ARL15: variants seen among roughly 807,000 people sequenced by gnomAD.
ARL15 encodes the protein ADP-ribosylation factor-like protein 15.
In ARL15, 19 loss-of-function variants were observed where a neutral mutation model predicts 25.2. The observed-to-expected ratio is 0.75, with a 90% confidence interval of 0.53 to 1.10. The LOEUF (loss-of-function observed/expected upper bound fraction) is 1.10, where lower values mean the gene tolerates loss of function less well. ARL15 is among the 50% of genes least tolerant of loss of function. The pLI, the probability that ARL15 is intolerant of heterozygous loss-of-function variation, is 0.00. For missense variants in ARL15, 220 were observed against 246.0 expected, an observed-to-expected ratio of 0.89 and a Z score of 0.71; for synonymous variants, 94 against 86.8, an observed-to-expected ratio of 1.08 and a Z score of -0.46.
chr5:54,162,004 C>T (rs1294319276), intron 2 of ARL15, among the ~76,000 whole-genome samples: 2 of 72,928 alleles, frequency 2.7e-5, no homozygotes, highest in Non-Finnish European at 5.4e-5. Context: ...CACATACACA[C>T]ACACACACAC....
chr5:53,896,657 C>T (rs1234152572), intron 4 of ARL15, among the ~76,000 whole-genome samples: 1 of 152,066 alleles, frequency 6.6e-6, no homozygotes, highest in South Asian at 2.1e-4. Flanking sequence ...CCACCACGCC[C>T]GGCTAATTTT....
At chr5:54,248,038 A>G (rs1757135256) in intron 1 of ARL15, among the ~76,000 whole-genome samples, 2 of 152,248 alleles carry the variant, frequency 1.3e-5, no homozygotes, top group South Asian at 4.1e-4. Flanking sequence ...AAAAAAATTA[A>G]GAACAATAAA....
At chr5:54,120,739 C>T (rs1279908632) in intron 3 of ARL15, among the ~76,000 whole-genome samples, 2 of 152,092 alleles carry the variant, frequency 1.3e-5, no homozygotes, top group Non-Finnish European at 2.9e-5. Flanking sequence ...AATCTGGTGG[C>T]AAGACTAGAA....
At chr5:54,310,331 T>C in intron 1 of ARL15, 101 bp downstream of exon 1, 1 of 1,351,240 alleles carries the variant, frequency 7.4e-7, no homozygotes, top group South Asian at 1.3e-5. Flanking sequence ...AGAGGCATCC[T>C]ATCCCAAAGA....
chr5:53,936,995 A>G (rs1338244779), intron 4 of ARL15, among the ~76,000 whole-genome samples: 1 of 152,246 alleles, frequency 6.6e-6, no homozygotes, highest in Non-Finnish European at 1.5e-5. Flanking sequence ...AGGAATGCAG[A>G]AAACACATGC....
At chr5:54,289,432 G>T (rs250388) in intron 1 of ARL15, among the ~76,000 whole-genome samples, 40,714 of 151,748 alleles carry the variant, frequency 0.27, 6,716 homozygotes, top group African/African-American at 0.47. Flanking sequence ...AAGAGCAGAC[G>T]TGGTCATTCT....
chr5:53,926,315 C>T (rs1207724330), intron 4 of ARL15, among the ~76,000 whole-genome samples: 2 of 151,904 alleles, frequency 1.3e-5, no homozygotes, highest in Non-Finnish European at 2.9e-5. Context: ...AGAACTGGGA[C>T]CATGGCAGGG....
In ARL15 at chr5:54,118,377, A is replaced by G. The variant is rs567122545; in HGVS notation, c.254-4967T>C. Among the ~76,000 whole-genome samples the G allele has an allele frequency of 3.2e-4, 48 of 152,320 alleles. 1 individual carries two copies. Among genetic ancestry groups the G allele is most frequent in the Admixed American group, 2.9e-3 (44 of 15,294 alleles). On this transcript the variant is annotated intron_variant, in intron 3 of 4. Transcript: ENST00000504924. ...CCTCTTCTATTAAACCAGATTAAAA[A>G]GATTTGCCAATTTTCTCACTATTTT... is the stretch of plus-strand genomic sequence containing the variant.
At chr5:54,038,674 C>T (rs894349811) in intron 4 of ARL15, among the ~76,000 whole-genome samples, 1 of 151,842 alleles carries the variant, frequency 6.6e-6, no homozygotes, top group Non-Finnish European at 1.5e-5. Flanking sequence ...TAAACTAACA[C>T]TTATAAATAT....
chr5:54,187,977 C>T (rs1041464881), intron 1 of ARL15, among the ~76,000 whole-genome samples: 1 of 152,076 alleles, frequency 6.6e-6, no homozygotes, highest in African/African-American at 2.4e-5. Context: ...TGTGACTAGC[C>T]ATTCTTTTCT....
At chr5:53,943,133 G>A (rs1214912358) in intron 4 of ARL15, among the ~76,000 whole-genome samples, 1 of 152,068 alleles carries the variant, frequency 6.6e-6, no homozygotes, top group Non-Finnish European at 1.5e-5. Flanking sequence ...GGGTGTTGGG[G>A]AAGATAAGAA....
At chr5:53,967,033 AAAG>A (rs1477565026) in intron 4 of ARL15, among the ~76,000 whole-genome samples, 17 of 152,244 alleles carry the variant, frequency 1.1e-4, no homozygotes, top group African/African-American at 1.9e-4. Flanking sequence ...AATTACCAAC[AAAG>A]AAGTAGGTAC....
At chr5:54,207,272 A>T (rs551580197) in intron 1 of ARL15, among the ~76,000 whole-genome samples, 8 of 152,356 alleles carry the variant, frequency 5.3e-5, no homozygotes, top group Non-Finnish European at 1.0e-4. Context: ...AGAGAATTTT[A>T]AAAAGAGGCC....
intron 1 of ARL15, among the ~76,000 whole-genome samples, chr5:54,302,095 A>T (rs1050592616): frequency 6.6e-6 from 1 of 152,164 alleles, no homozygotes; most frequent in African/African-American, 2.4e-5. Flanking sequence ...ACAAACCCAC[A>T]CAACTTTCCC....
intron 4 of ARL15, among the ~76,000 whole-genome samples, chr5:53,987,208 T>G (rs1274854948): frequency 6.6e-6 from 1 of 152,176 alleles, no homozygotes; most frequent in African/African-American, 2.4e-5. Context: ...AGAAGGTACA[T>G]TAACAATGAA....
chr5:53,926,951 A>T (rs2253601), intron 4 of ARL15, among the ~76,000 whole-genome samples: 109,470 of 148,416 alleles, frequency 0.74, 41,334 homozygotes, highest in Non-Finnish European at 0.84. Context: ...TTTTTTTTTA[A>T]AAAAAAAAAA....
chr5:54,191,181 T>C (rs762037281), intron 1 of ARL15, among the ~76,000 whole-genome samples: 1 of 152,090 alleles, frequency 6.6e-6, no homozygotes, highest in African/African-American at 2.4e-5. Flanking sequence ...CCTGAGGACA[T>C]AAGACTAAGT....
At chr5:53,923,377 G>A (rs1745916351) in intron 4 of ARL15, among the ~76,000 whole-genome samples, 1 of 152,164 alleles carries the variant, frequency 6.6e-6, no homozygotes, top group African/African-American at 2.4e-5. Context: ...AGGGCAGGCT[G>A]TTCCCTGTCC....
chr5:53,921,491 T>G (rs747419701), intron 4 of ARL15, among the ~76,000 whole-genome samples: 4 of 152,228 alleles, frequency 2.6e-5, no homozygotes, highest in Non-Finnish European at 2.9e-5. Context: ...TTGCAGATGA[T>G]TTCACTCAGG....
Sources: gnomAD v4.1 joint callset for allele counts (sites outside exome capture counted in the v4.1 genomes callset) on GRCh38, gnomAD v4.1.1 for gene constraint, MANE v1.5 for transcripts, NCBI Gene and HGNC (gene_info 2026-07-23, HGNC 2026-07-21) for gene names.